TAF2: variants seen among roughly 807,000 people sequenced by gnomAD.
TAF2 encodes TATA-box binding protein associated factor 2, also known as transcription initiation factor TFIID subunit 2.
TAF2 carries 61 observed loss-of-function variants against 138.5 expected under a neutral mutation model. The observed-to-expected ratio is 0.44, with a 90% CI of 0.36 to 0.54. The LOEUF is 0.54. Among genes scored for constraint, TAF2 ranks in the 20% least tolerant of loss-of-function variants. TAF2 has a pLI of 0.00. For missense variants in TAF2, 1,090 were observed against 1,427.9 expected, an observed-to-expected ratio of 0.76 and a Z score of 3.81; for synonymous variants, 475 against 469.9, an observed-to-expected ratio of 1.01 and a Z score of -0.14.
At position 119,733,203 on chromosome 8, in the gene TAF2, C is replaced by G. The variant is rs562613339; in HGVS notation, c.3338-1017G>C. On this transcript the variant is annotated intron_variant, in intron 25 of 25. Transcript: ENST00000378164. ...CTGATATACCCATAAACATGCTATT[C>G]TAGCTACTGATAATGGTATCTCAGT... is the stretch of plus-strand genomic sequence containing the variant. Among the ~76,000 whole-genome samples, 138 of 152,232 alleles carry G rather than the reference C, an allele frequency of 9.1e-4. 1 individual carries two copies. The highest frequency in any genetic ancestry group is 3.1e-3 in the African/African-American group (129 of 41,534).
Position 119,746,758 on chromosome 8 carries a change from C to T in TAF2, c.3055G>A (p.Glu1019Lys), listed in dbSNP as rs776601539. Residue 1019 changes from glutamate to lysine, a missense_variant, in exon 23 of 26, where the codon GAA becomes AAA. Transcript: ENST00000378164. Reference protein sequence around the residue: ...IIPESVAGNQEAANNPSSHPQ... With the variant: ...IIPESVAGNQKAANNPSSHPQ... ...TGACTGCTTGGATTATTTGCAGCTT[C>T]TTGGTTGCCTGCTACTGACTCTGGA... is the stretch of plus-strand genomic sequence containing the variant. The T allele has an allele frequency of 1.2e-6, 2 of 1,614,156 alleles. No individual in the cohort carries two copies. Among genetic ancestry groups the T allele is most frequent in the African/African-American group, 2.7e-5 (2 of 75,040 alleles).
At chr8:119,830,707 C>T (rs910342612) in intron 2 of TAF2, among the ~76,000 whole-genome samples, 1 of 152,162 alleles carries the variant, frequency 6.6e-6, no homozygotes, top group Admixed American at 6.5e-5. Flanking sequence ...ACATGGGTAA[C>T]AAATCTGACA....
intron 18 of TAF2, chr8:119,766,876 A>T (rs921826897): frequency 6.6e-6 from 1 of 152,186 alleles, no homozygotes; most frequent in Non-Finnish European, 1.5e-5. Flanking sequence ...GATACATGAT[A>T]TATGTAGGTA....
chr8:119,750,898 T>C (rs1300339198), intron 22 of TAF2, among the ~76,000 whole-genome samples: 3 of 152,140 alleles, frequency 2.0e-5, no homozygotes, highest in South Asian at 2.1e-4. Flanking sequence ...GTCATTCTTA[T>C]AGTAATATGC....
Position 119,744,237 on chromosome 8 carries a change from A to C in TAF2, c.3214+51T>G, listed in dbSNP as rs755121775. ...TAAAGTAACACACATTAGAATACTG[A>C]CATCAACCAATGTCTCCATCTCCTC... On this transcript the variant is annotated intron_variant, in intron 24 of 25. Transcript: ENST00000378164. 3 of 1,450,196 alleles carry C rather than the reference A, an allele frequency of 2.1e-6. No individual in the cohort carries two copies. The South Asian group carries it at 3.4e-5, about 17-fold the overall frequency. 89.8% of individuals were successfully genotyped at this position (1,450,196 alleles called of 1,614,324 possible). A position where few individuals can be genotyped will look rare whatever the true frequency, so the allele number is the denominator to read the frequency against.
intron 19 of TAF2, among the ~76,000 whole-genome samples, chr8:119,761,259 T>C (rs2131058592): frequency 6.6e-6 from 1 of 152,280 alleles, no homozygotes; most frequent in Middle Eastern, 3.4e-3. Flanking sequence ...CAGTATTCAG[T>C]ATAGTAACAT....
chr8:119,764,815 G>T (rs1032514481), intron 18 of TAF2, among the ~76,000 whole-genome samples: 3 of 152,028 alleles, frequency 2.0e-5, no homozygotes, highest in African/African-American at 4.8e-5. Flanking sequence ...AATGTGATTT[G>T]CCACCATCCT....
chr8:119,774,631 C>T (rs768395713), intron 18 of TAF2, among the ~76,000 whole-genome samples: 2 of 152,058 alleles, frequency 1.3e-5, no homozygotes, highest in Non-Finnish European at 2.9e-5. Context: ...AATTTATTTA[C>T]AAAACCACAT....
At chr8:119,733,768 T>A (rs1328026506) in intron 25 of TAF2, among the ~76,000 whole-genome samples, 2 of 148,636 alleles carry the variant, frequency 1.3e-5, no homozygotes, top group Admixed American at 1.3e-4. Flanking sequence ...CTCATAAATA[T>A]CTCTTAAATC....
intron 2 of TAF2, among the ~76,000 whole-genome samples, chr8:119,820,804 A>AT (rs1180221058): frequency 6.6e-6 from 1 of 152,236 alleles, no homozygotes; most frequent in Non-Finnish European, 1.5e-5. Flanking sequence ...CAATCAGCAC[A>AT]TATCTGTGAG....
chr8:119,808,309 A>C (rs1824803911), intron 3 of TAF2, among the ~76,000 whole-genome samples: 2 of 152,092 alleles, frequency 1.3e-5, no homozygotes, highest in Non-Finnish European at 2.9e-5. Context: ...ATAAGCAGCA[A>C]CTCCTCCGTC....
At chr8:119,797,942 T>C in intron 6 of TAF2, 96 bp from the exon 7 acceptor site, 1 of 1,157,336 alleles carries the variant, frequency 8.6e-7, no homozygotes, top group South Asian at 1.4e-5. Flanking sequence ...AATGTTCTCA[T>C]AAATCTATTC....
chr8:119,802,967 C>T (rs1037589018), intron 5 of TAF2, among the ~76,000 whole-genome samples: 6 of 152,112 alleles, frequency 3.9e-5, no homozygotes, highest in African/African-American at 1.4e-4. Flanking sequence ...AAATAATTAG[C>T]CAGGTGTGGT....
chr8:119,775,640 T>G (rs1037524746), intron 18 of TAF2, among the ~76,000 whole-genome samples: 1 of 151,130 alleles, frequency 6.6e-6, no homozygotes, highest in Non-Finnish European at 1.5e-5. Flanking sequence ...GAGGTGGAGG[T>G]TGCAGTGCAC....
chr8:119,807,602 A>G (rs1824752169), intron 3 of TAF2, among the ~76,000 whole-genome samples: 1 of 152,162 alleles, frequency 6.6e-6, no homozygotes, highest in East Asian at 1.9e-4. Flanking sequence ...TGACATTCCT[A>G]TAACTTAATA....
At chr8:119,755,889 G>GAA in intron 22 of TAF2, 117 bp downstream of exon 22, 9 of 669,262 alleles carry the variant, frequency 1.3e-5, no homozygotes, top group Non-Finnish European at 1.9e-5. Flanking sequence ...CTACTTAAAA[G>GAA]AAAAAAAAAA....
rs1290059635 is a variant in TAF2, at chr8:119,797,827, G to C, written c.812C>G (p.Pro271Arg). Residue 271 changes from proline to arginine, a missense_variant, in exon 7 of 26, where the codon CCC (proline) becomes CGC (arginine). By Grantham distance (103) the Pro-to-Arg change is moderately radical. Transcript: ENST00000378164. ...YMHEVTHFCL[P>R]QLLPLLKHTT... ...ATGTTTCAGCAATGGAAGAAGTTGG[G>C]GCAAACAAAAATGAGTAACCTGAAA... is the stretch of plus-strand genomic sequence containing the variant. The C allele has an allele frequency of 6.2e-7, 1 of 1,613,088 alleles. No individual in the cohort carries two copies. Among genetic ancestry groups the C allele is most frequent in the Non-Finnish European group, 8.5e-7 (1 of 1,179,520 alleles).
chr8:119,744,387 T>C lies in TAF2; in HGVS notation c.3115A>G (p.Ser1039Gly), dbSNP rs747619963. The C allele has an allele frequency of 9.9e-6, 16 of 1,612,994 alleles. No individual in the cohort carries two copies. The South Asian group carries it at 1.8e-4, about 18-fold the overall frequency. Residue 1039 changes from serine (S) to glycine (G), a missense_variant, in exon 24 of 26, where the codon AGT (serine) becomes GGT (glycine). Ser to Gly is a moderately conservative substitution (Grantham distance 56). Transcript: ENST00000378164. ...QLVGFQNPFS[S>G]SQDEEEIDMD... ...TCAATCTCCTCCTCATCTTGAGAAC[T>C]GGAAAACTAAAACACACACACATAA... is the stretch of plus-strand genomic sequence containing the variant.
At chr8:119,813,092 C>A (rs1353505554) in intron 3 of TAF2, among the ~76,000 whole-genome samples, 2 of 152,160 alleles carry the variant, frequency 1.3e-5, no homozygotes, top group East Asian at 3.8e-4. Context: ...CATATCCACG[C>A]CAACATCTGT....
Sources: gnomAD v4.1 joint callset for allele counts (sites outside exome capture counted in the v4.1 genomes callset) on GRCh38, gnomAD v4.1.1 for gene constraint, MANE v1.5 for transcripts, NCBI Gene and HGNC (gene_info 2026-07-23, HGNC 2026-07-21) for gene names.